Variants in KLHL13 observed in about 807,000 individuals in gnomAD.
KLHL13 encodes the protein kelch-like protein 13.
Under a neutral mutation model 37.1 loss-of-function variants are expected in KLHL13, and 10 were observed. The observed-to-expected ratio is 0.27, with a 90% CI of 0.17 to 0.46. The LOEUF (loss-of-function observed/expected upper bound fraction) is 0.46. Ranked by LOEUF, KLHL13 falls within the 20% of genes least tolerant of loss-of-function variation. The pLI is 1.00. For missense variants in KLHL13, 360 were observed against 509.3 expected (o/e 0.71, Z 2.82); for synonymous variants, 163 against 181.2 (o/e 0.90, Z 0.81).
intron 1 of KLHL13, among the ~76,000 whole-genome samples, chrX:117,970,158 C>T (rs2053500497): frequency 9.0e-6 from 1 of 111,315 alleles, no homozygotes; most frequent in Non-Finnish European, 1.9e-5. Flanking sequence ...TTTACTACTA[C>T]CTAAAATACT....
At chrX:117,977,968 T>C (rs1444810681), upstream of KLHL13, among the ~76,000 whole-genome samples, 4 of 112,318 alleles carry the variant, frequency 3.6e-5, no homozygotes, top group Non-Finnish European at 5.6e-5. Context: ...TCTCCTTTAT[T>C]TGTTTCAGGA....
intron 1 of KLHL13, among the ~76,000 whole-genome samples, chrX:118,098,344 T>G (rs2055238625): frequency 9.0e-6 from 1 of 111,717 alleles, no homozygotes; most frequent in African/African-American, 3.3e-5. Context: ...TCACTGGCCA[T>G]CAGAGAAATG....
At chrX:118,014,315 T>C (rs2054102465) in intron 1 of KLHL13, among the ~76,000 whole-genome samples, 1 of 111,528 alleles carries the variant, frequency 9.0e-6, no homozygotes, top group Non-Finnish European at 1.9e-5. Context: ...TCTGGAAGTG[T>C]CTGTCTTATG....
intron 2 of KLHL13, among the ~76,000 whole-genome samples, chrX:117,936,885 C>T (rs1209721483): frequency 1.8e-5 from 2 of 111,679 alleles, no homozygotes; most frequent in Admixed American, 1.9e-4. Flanking sequence ...AATCTCTTAC[C>T]CAGATTACAA....
intron 1 of KLHL13, among the ~76,000 whole-genome samples, chrX:118,013,987 C>T (rs914133306): frequency 8.0e-5 from 9 of 111,973 alleles, no homozygotes; most frequent in Admixed American, 1.9e-4. Context: ...TCTTCGTAAG[C>T]GGAGAATGTA....
intron 2 of KLHL13, among the ~76,000 whole-genome samples, chrX:117,927,752 C>A (rs2051223947): frequency 8.9e-6 from 1 of 111,904 alleles, no homozygotes; most frequent in African/African-American, 3.3e-5. Context: ...CATATAATGT[C>A]ATTTATGTAA....
At chrX:117,971,481 T>C (rs1197651254) in intron 1 of KLHL13, among the ~76,000 whole-genome samples, 1 of 104,567 alleles carries the variant, frequency 9.6e-6, no homozygotes. Flanking sequence ...AGCTGGTTTA[T>C]TTTTACAAAC....
chrX:118,106,662 G>C (rs923974740), intron 1 of KLHL13, among the ~76,000 whole-genome samples: 2 of 111,311 alleles, frequency 1.8e-5, no homozygotes, highest in Non-Finnish European at 3.8e-5. Flanking sequence ...TTTCCCTTCT[G>C]TGCACCTGTG....
At chrX:117,954,816 C>G (rs1933821200) in intron 1 of KLHL13, among the ~76,000 whole-genome samples, 1 of 112,029 alleles carries the variant, frequency 8.9e-6, no homozygotes, top group African/African-American at 3.2e-5. Flanking sequence ...CAGCTAGCAC[C>G]CAGCCTGCCC....
intron 1 of KLHL13, among the ~76,000 whole-genome samples, chrX:118,098,167 T>C (rs1264621243): frequency 1.8e-5 from 2 of 111,857 alleles, no homozygotes; most frequent in African/African-American, 6.5e-5. Context: ...AGAAAATTTT[T>C]GCAACCTACT....
chrX:117,971,677 A>G (rs932882788), intron 1 of KLHL13, among the ~76,000 whole-genome samples: 1 of 111,084 alleles, frequency 9.0e-6, no homozygotes, highest in Non-Finnish European at 1.9e-5. Context: ...GCATAACCAC[A>G]CTTCCTCAGC....
chrX:117,981,954 T>G (rs890012457), intron 1 of KLHL13, among the ~76,000 whole-genome samples: 1 of 111,080 alleles, frequency 9.0e-6, no homozygotes, highest in African/African-American at 3.3e-5. Flanking sequence ...TGTAAGATTG[T>G]CTCCTTTAAC....
At chrX:117,933,026 A>C (rs1468275610) in intron 2 of KLHL13, among the ~76,000 whole-genome samples, 1 of 110,932 alleles carries the variant, frequency 9.0e-6, no homozygotes, top group Non-Finnish European at 1.9e-5. Flanking sequence ...TGAGAAATGA[A>C]ATGTCTATTC....
chrX:117,984,383 G>C (rs764089361), intron 1 of KLHL13, among the ~76,000 whole-genome samples: 1 of 111,383 alleles, frequency 9.0e-6, no homozygotes, highest in African/African-American at 3.3e-5. Context: ...TCAGCATATA[G>C]AAAGTAAGCA....
intron 1 of KLHL13, among the ~76,000 whole-genome samples, chrX:118,095,347 T>G (rs1385106817): frequency 7.2e-5 from 8 of 111,540 alleles, no homozygotes; most frequent in Admixed American, 5.7e-4. Context: ...CTAACTCTCC[T>G]AAATATATAT....
chrX:117,926,567 T>C (rs1932031460), intron 2 of KLHL13, among the ~76,000 whole-genome samples: 1 of 111,633 alleles, frequency 9.0e-6, no homozygotes, highest in South Asian at 3.8e-4. Flanking sequence ...GTTTTAAGCA[T>C]CTGCCACCCC....
upstream of KLHL13, among the ~76,000 whole-genome samples, chrX:117,975,278 C>T (rs866982191): frequency 2.7e-5 from 3 of 111,315 alleles, no homozygotes; most frequent in South Asian, 7.5e-4. Flanking sequence ...TTTCAAAACC[C>T]GAAGCATTTG....
chrX:117,914,268 C>G (rs5955989), intron 4 of KLHL13: 25,315 of 102,691 alleles, frequency 0.25, 5,490 homozygotes, highest in African/African-American at 0.69. Flanking sequence ...GTGAAGCAGT[C>G]AAAGTGAAGA....
At chrX:117,911,203 G>A (rs1294222594) in intron 4 of KLHL13, among the ~76,000 whole-genome samples, 1 of 111,683 alleles carries the variant, frequency 9.0e-6, no homozygotes, top group East Asian at 2.8e-4. Context: ...CTTTATCAAT[G>A]TATTGTTAAC....
Sources: gnomAD v4.1 joint callset for allele counts (sites outside exome capture counted in the v4.1 genomes callset) on GRCh38, gnomAD v4.1.1 for gene constraint, MANE v1.5 for transcripts, NCBI Gene and HGNC (gene_info 2026-07-23, HGNC 2026-07-21) for gene names.